Variants in TMEM132C observed in about 807,000 individuals in gnomAD.
TMEM132C encodes transmembrane protein 132C.
A neutral mutation model predicts 61.4 loss-of-function variants in TMEM132C; 29 were observed. The ratio of observed to expected loss-of-function variants is 0.47; its 90% CI spans 0.35 to 0.64. TMEM132C has a LOEUF of 0.64. TMEM132C is among the 30% of genes least tolerant of loss of function. TMEM132C has a pLI of 0.00. For synonymous variants in TMEM132C, 656 were observed against 633.1 expected, an observed-to-expected ratio of 1.04 and a Z score of -0.54; for missense variants, 1,408 against 1,476.9, an observed-to-expected ratio of 0.95 and a Z score of 0.76.
chr12:128,676,142 G>C (rs60126311), intron 5 of TMEM132C, among the ~76,000 whole-genome samples: 1,556 of 152,164 alleles, frequency 0.01, 19 homozygotes, highest in African/African-American at 0.035. Flanking sequence ...TCCAATCCAG[G>C]CTCACATGCA....
At chr12:128,539,270 A>T (rs1873645679) in intron 2 of TMEM132C, among the ~76,000 whole-genome samples, 1 of 152,178 alleles carries the variant, frequency 6.6e-6, no homozygotes, top group Non-Finnish European at 1.5e-5. Flanking sequence ...TTGATGGAAC[A>T]CATGCTCAAG....
intron 3 of TMEM132C, among the ~76,000 whole-genome samples, chr12:128,553,516 C>T (rs1034170508): frequency 6.6e-6 from 1 of 152,126 alleles, no homozygotes; most frequent in Non-Finnish European, 1.5e-5. Context: ...TTAACGTTGC[C>T]AAAGTACTTT....
chr12:128,664,752 C>T (rs1954439013), intron 4 of TMEM132C, among the ~76,000 whole-genome samples: 2 of 152,334 alleles, frequency 1.3e-5, no homozygotes, highest in East Asian at 1.9e-4. Context: ...TAAAGGGAAG[C>T]GGCATCCACC....
At chr12:128,297,478 G>T (rs1389850656) in intron 1 of TMEM132C, among the ~76,000 whole-genome samples, 1 of 152,112 alleles carries the variant, frequency 6.6e-6, no homozygotes, top group Non-Finnish European at 1.5e-5. Flanking sequence ...AATAAGCTTC[G>T]CCCTCCTTGG....
At chr12:128,611,855 C>G (rs1876644782) in intron 3 of TMEM132C, among the ~76,000 whole-genome samples, 1 of 152,182 alleles carries the variant, frequency 6.6e-6, no homozygotes, top group Non-Finnish European at 1.5e-5. Context: ...TCAGCAAGGA[C>G]AAAGTGGAGA....
At chr12:128,457,227 C>T (rs1345429711) in intron 2 of TMEM132C, among the ~76,000 whole-genome samples, 1 of 151,008 alleles carries the variant, frequency 6.6e-6, no homozygotes, top group African/African-American at 2.4e-5. Flanking sequence ...GGTTTTACAC[C>T]ACTTGGCACT....
intron 1 of TMEM132C, among the ~76,000 whole-genome samples, chr12:128,391,127 T>C (rs1057322799): frequency 6.6e-6 from 1 of 152,204 alleles, no homozygotes; most frequent in African/African-American, 2.4e-5. Context: ...ATGGAGGGAC[T>C]CCTGCAGTCA....
chr12:128,304,637 G>T (rs910385297), intron 1 of TMEM132C, among the ~76,000 whole-genome samples: 3 of 147,728 alleles, frequency 2.0e-5, no homozygotes, highest in Admixed American at 6.6e-5. Context: ...AAGAAAGAAA[G>T]AAAAAAAAGA....
chr12:128,585,050 C>G (rs1326955363), intron 3 of TMEM132C, among the ~76,000 whole-genome samples: 2 of 152,232 alleles, frequency 1.3e-5, no homozygotes, highest in Non-Finnish European at 2.9e-5. Context: ...AGGAGGCATG[C>G]TTCACTGGGG....
intron 3 of TMEM132C, among the ~76,000 whole-genome samples, chr12:128,592,059 G>GAAAAAAAAAAAAAAAAAAAAAAA (rs55727528): frequency 1.6e-5 from 2 of 125,458 alleles, no homozygotes; most frequent in Admixed American, 8.4e-5. Context: ...AAAAAAAAAA[G>GAAAAAAAAAAAAAAAAAAAAAAA]AAAAAAAAAA....
At chr12:128,424,432 C>T (rs1257041347) in intron 2 of TMEM132C, among the ~76,000 whole-genome samples, 1 of 147,864 alleles carries the variant, frequency 6.8e-6, no homozygotes, top group East Asian at 2.0e-4. Context: ...ATGGATGAAC[C>T]TTAAAAACAT....
At chr12:128,304,613 A>AAAAGAAAG (rs200307720) in intron 1 of TMEM132C, among the ~76,000 whole-genome samples, 5 of 150,394 alleles carry the variant, frequency 3.3e-5, no homozygotes, top group East Asian at 3.9e-4. Flanking sequence ...CGTCTCAAAA[A>AAAAGAAAG]AAAGAAAGAA....
chr12:128,555,318 A>C (rs1241986790), intron 3 of TMEM132C, among the ~76,000 whole-genome samples: 1 of 152,238 alleles, frequency 6.6e-6, no homozygotes, highest in Non-Finnish European at 1.5e-5. Flanking sequence ...AACAGTTTTC[A>C]ACAGTGCTTA....
chr12:128,567,494 G>T (rs1027592729), intron 3 of TMEM132C, among the ~76,000 whole-genome samples: 1 of 151,696 alleles, frequency 6.6e-6, no homozygotes. Flanking sequence ...ACTATGGAAA[G>T]TGATAGAGGT....
intron 1 of TMEM132C, among the ~76,000 whole-genome samples, chr12:128,358,079 C>T (rs573633697): frequency 1.8e-4 from 28 of 152,180 alleles, no homozygotes; most frequent in African/African-American, 6.0e-4. Context: ...CCCCTGTGAG[C>T]CATTCGAGGT....
Position 128,696,113 on chromosome 12 carries a change from T to C in TMEM132C, c.1929+10T>C, listed in dbSNP as rs757254573. ...GATGACGACCATCCAGGTAGGAAGC[T>C]GGGAGTCTCTGTGTCCCCAGCACTG... On this transcript the variant is annotated intron_variant, in intron 7 of 8. Coordinates refer to ENST00000435159, the MANE Select transcript of TMEM132C (RefSeq NM_001136103.3). 5.8e-5 allele frequency: 90 copies of C among 1,549,538 alleles called. No individual in the cohort carries two copies. Among genetic ancestry groups the C allele is most frequent in the Non-Finnish European group, 7.5e-5 (86 of 1,145,908 alleles).
At chr12:128,315,492 C>T (rs543205245) in intron 1 of TMEM132C, among the ~76,000 whole-genome samples, 8 of 151,980 alleles carry the variant, frequency 5.3e-5, no homozygotes, top group East Asian at 1.9e-4. Flanking sequence ...GCCAGGGTAA[C>T]GATAGCCTTT....
chr12:128,690,759 A>G (rs1173637513), intron 5 of TMEM132C, among the ~76,000 whole-genome samples: 1 of 152,138 alleles, frequency 6.6e-6, no homozygotes, highest in African/African-American at 2.4e-5. Context: ...TTGACCATGA[A>G]TGAGAAGATC....
At chr12:128,340,835 C>CTCTT (rs1872940401) in intron 1 of TMEM132C, among the ~76,000 whole-genome samples, 2 of 133,178 alleles carry the variant, frequency 1.5e-5, no homozygotes, top group Admixed American at 7.3e-5. Flanking sequence ...GTCTTTCTCT[C>CTCTT]TCTCTCTTTC....
Sources: allele counts gnomAD v4.1 joint callset (sites outside exome capture counted in the v4.1 genomes callset), GRCh38; gene constraint gnomAD v4.1.1; transcripts MANE v1.5; gene names NCBI Gene and HGNC (gene_info 2026-07-23, HGNC 2026-07-21).